Variants in PCLO observed in about 807,000 individuals in gnomAD.
PCLO encodes the protein protein piccolo.
PCLO carries 82 observed loss-of-function variants against 427.5 expected under a neutral mutation model. The observed-to-expected ratio is 0.19, with a 90% CI of 0.16 to 0.23. The LOEUF (loss-of-function observed/expected upper bound fraction) is 0.23, where lower values mean the gene tolerates loss of function less well. Among genes scored for constraint, PCLO ranks in the 10% least tolerant of loss-of-function variants. The pLI is 1.00. For missense variants in PCLO, 6,239 were observed against 6,115.9 expected, an observed-to-expected ratio of 1.02 and a Z score of -0.67; for synonymous variants, 2,357 against 2,155.4, an observed-to-expected ratio of 1.09 and a Z score of -2.59.
chr7:83,064,206 C>T (rs1035665675), intron 3 of PCLO, among the ~76,000 whole-genome samples: 3 of 151,826 alleles, frequency 2.0e-5, no homozygotes, highest in African/African-American at 7.3e-5. Flanking sequence ...TTAAATATAC[C>T]ATAAGAGAGC....
In PCLO at chr7:82,756,064, T is replaced by C. The variant is rs536954788; in HGVS notation, c.*2511A>G. Reference sequence around the variant, plus strand: ...AAATAGCTACCAAAGAGATAATCTTTGTTTTGGTGATCCCTCCATTTATAT... The same window carrying C: ...AAATAGCTACCAAAGAGATAATCTTCGTTTTGGTGATCCCTCCATTTATAT... On this transcript the variant is annotated 3_prime_UTR_variant, in exon 25 of 25. Transcript: ENST00000333891. 2.6e-5 allele frequency: 4 copies of C among 152,280 alleles called. No individual in the cohort carries two copies. Among genetic ancestry groups the C allele is most frequent in the Admixed American group, 2.0e-4 (3 of 15,272 alleles). The allele number at this position is 152,280 out of a possible 1,614,324, so 9.4% of individuals were successfully genotyped here. A position where few individuals can be genotyped will look rare whatever the true frequency, so the allele number is the denominator to read the frequency against.
At position 83,162,527 on chromosome 7, in the gene PCLO, A is replaced by C. The variant is rs1792471442; in HGVS notation, c.66T>G (p.Ala22=). Residue 22 remains alanine (A), a synonymous_variant, in exon 1 of 25, where the codon GCT becomes GCG. Transcript: ENST00000333891. ...LPEGLAAAAA[A]GGGASGAGSP... ...TCCCCGCCCCGCTAGCTCCTCCTCC[A>C]GCCGCTGCGGCCGCCGCCAGCCCTT... The C allele has an allele frequency of 6.4e-7, 1 of 1,556,258 alleles. No individual in the cohort carries two copies. Among genetic ancestry groups the C allele is most frequent in the South Asian group, 1.2e-5 (1 of 84,520 alleles).
At chr7:82,849,550 A>G (rs2115835096) in intron 10 of PCLO, among the ~76,000 whole-genome samples, 1 of 152,306 alleles carries the variant, frequency 6.6e-6, no homozygotes, top group South Asian at 2.1e-4. Context: ...CTATCTTCCT[A>G]CAAATTCTAT....
intron 3 of PCLO, among the ~76,000 whole-genome samples, chr7:83,017,687 TA>T (rs1264068865): frequency 6.6e-6 from 1 of 151,954 alleles, no homozygotes; most frequent in Non-Finnish European, 1.5e-5. Context: ...TCCTGAATAA[TA>T]AAAAACTTGT....
intron 9 of PCLO, among the ~76,000 whole-genome samples, chr7:82,900,894 T>C (rs1794022215): frequency 6.6e-6 from 1 of 151,816 alleles, no homozygotes; most frequent in South Asian, 2.1e-4. Context: ...TCCAAAATTA[T>C]TTCCAAATAA....
In PCLO at chr7:83,030,391, T is replaced by C. The variant is rs894100697; in HGVS notation, c.3301-63904A>G. Among the ~76,000 whole-genome samples the C allele has an allele frequency of 3.9e-5, 6 of 152,328 alleles. No individual in the cohort carries two copies. In the Middle Eastern group the frequency reaches 0.01, roughly 259 times the overall value. ...GAGGACAGTAGATATATTAGACATATATAACAGCATGAGCAAAGGCATGGT... is the reference window on the plus strand; with the variant it reads ...GAGGACAGTAGATATATTAGACATACATAACAGCATGAGCAAAGGCATGGT... On this transcript the variant is annotated intron_variant, in intron 3 of 24. Transcript: ENST00000333891.
At chr7:83,036,674 A>G (rs1242281276) in intron 3 of PCLO, among the ~76,000 whole-genome samples, 1 of 152,114 alleles carries the variant, frequency 6.6e-6, no homozygotes, top group East Asian at 1.9e-4. Flanking sequence ...CACATCTGCT[A>G]TAGTCTGAAT....
chr7:82,827,579 G>A (rs913261888), intron 17 of PCLO, among the ~76,000 whole-genome samples: 17 of 152,016 alleles, frequency 1.1e-4, no homozygotes, highest in African/African-American at 4.1e-4. Flanking sequence ...TGATAAATGT[G>A]GCTTAGTCTA....
Position 82,956,580 on chromosome 7 carries a change from G to A in PCLO, c.4373C>T (p.Thr1458Ile). Reference protein sequence around the residue: ...DQEKTQSLSETLEITISEEEI... With the variant: ...DQEKTQSLSEILEITISEEEI... Reference sequence around the variant, plus strand: ...CTCTTCTGAAATAGTAATTTCCAAGGTTTCAGATAAACTCTGAGTTTTCTC... The same window carrying A: ...CTCTTCTGAAATAGTAATTTCCAAGATTTCAGATAAACTCTGAGTTTTCTC... Residue 1458 changes from threonine to isoleucine, a missense_variant, in exon 5 of 25, where the codon ACC becomes ATC. Thr to Ile is a moderately conservative substitution (Grantham distance 89). Around this residue, in one of 5 missense-constraint regions of PCLO, gnomAD observed 4,677 missense variants for 4,468.4 expected, o/e 1.05. Transcript: ENST00000333891. 5.6e-6 allele frequency: 9 copies of A among 1,612,882 alleles called. No individual in the cohort carries two copies. The highest frequency in any genetic ancestry group is 7.6e-6 in the Non-Finnish European group (9 of 1,179,500).
intron 3 of PCLO, among the ~76,000 whole-genome samples, chr7:83,110,036 A>G (rs997970482): frequency 5.4e-4 from 82 of 151,606 alleles, no homozygotes; most frequent in African/African-American, 1.9e-3. Context: ...TGAGGAGAAT[A>G]AAAATATATG....
rs1465992573 is a variant in PCLO, at chr7:82,950,995, T to C, written c.9593A>G (p.Glu3198Gly). 1 of 1,613,736 alleles carries C rather than the reference T, an allele frequency of 6.2e-7. No individual in the cohort carries two copies. The highest frequency in any genetic ancestry group is 8.5e-7 in the Non-Finnish European group (1 of 1,179,878). Reference protein sequence around the residue: ...SEVFPEVVGDESALLIVPEED... With the variant: ...SEVFPEVVGDGSALLIVPEED... ...TTCAGGGACAATTAAAAGAGCACTT[T>C]CATCTCCCACCACTTCAGGAAACAC... The change falls in exon 6 of 25, where the codon GAA becomes GGA. Residue 3198 changes from glutamate to glycine, a missense_variant. Physicochemically the swap from Glu to Gly is moderately conservative, Grantham distance 98. Transcript: ENST00000333891.
At chr7:82,812,957 A>G (rs17212460) in intron 20 of PCLO, among the ~76,000 whole-genome samples, 34,490 of 151,452 alleles carry the variant, frequency 0.23, 5,169 homozygotes, top group Non-Finnish European at 0.33. Context: ...TAAAACATGC[A>G]GGTTTGTTTG....
intron 3 of PCLO, among the ~76,000 whole-genome samples, chr7:83,013,980 C>T (rs1788148002): frequency 6.6e-6 from 1 of 151,926 alleles, no homozygotes; most frequent in African/African-American, 2.4e-5. Flanking sequence ...CTTGGTGTAC[C>T]ATTTTATACC....
Position 83,134,804 on chromosome 7 carries a change from G to C in PCLO, c.2746C>G (p.Pro916Ala). ...SLNLGSITDA[P>A]KSQPTTPQET... is the part of the protein sequence containing the mutation. ...TGAGGAGTTGTAGGCTGTGATTTGG[G>C]GGCATCAGTAATACTTCCCAGATTC... The change falls in exon 3 of 25, where the codon CCC (proline) becomes GCC (alanine). Residue 916 changes from proline to alanine, a missense_variant. Physicochemically the swap from Pro to Ala is conservative, Grantham distance 27. Transcript: ENST00000333891. The C allele has an allele frequency of 6.2e-7, 1 of 1,613,792 alleles. No homozygotes were observed. The highest frequency in any genetic ancestry group is 8.5e-7 in the Non-Finnish European group (1 of 1,179,842).
In PCLO at chr7:83,028,090, TTGGAAGTTC is replaced by T; in HGVS notation, c.3301-61612_3301-61604del. ...CTCACCACTCCTATTCAACATAGTG[TTGGAAGTTC>T]TGGCCAGGGCAATTTGGCAGGAGAA... is the stretch of plus-strand genomic sequence containing the variant. On this transcript the variant is annotated intron_variant, in intron 3 of 24. Transcript: ENST00000333891. Among the ~76,000 whole-genome samples the T allele has an allele frequency of 5.3e-5, 8 of 151,454 alleles. 3 individuals are homozygous for T. In the Middle Eastern group the frequency reaches 0.02, roughly 386 times the overall value.
rs1562770338 is a variant in PCLO at position 82,754,989 on chromosome 7, C to A, written c.*3586G>T. 6.6e-6 allele frequency: 1 copy of A among 151,976 alleles called. No homozygotes were observed. The highest frequency in any genetic ancestry group is 2.4e-5 in the African/African-American group (1 of 41,402). The allele number at this position is 151,976 out of a possible 1,614,324, so 9.4% of individuals were successfully genotyped here. ...TAATAAAGTAAAAAAATACTATAAACATCTTTATGATATTTTAATGAAATG... is the reference window on the plus strand; with the variant it reads ...TAATAAAGTAAAAAAATACTATAAAAATCTTTATGATATTTTAATGAAATG... On this transcript the variant is annotated 3_prime_UTR_variant, in exon 25 of 25. Coordinates refer to ENST00000333891, the MANE Select transcript of PCLO (RefSeq NM_033026.6).
chr7:82,868,028 A>G, intron 10 of PCLO: 1 of 405,276 alleles, frequency 2.5e-6, no homozygotes, highest in Non-Finnish European at 4.8e-6. Flanking sequence ...TCAACATGAT[A>G]TGTGGTCTGT....
intron 1 of PCLO, among the ~76,000 whole-genome samples, chr7:83,160,644 T>C (rs1792412115): frequency 6.6e-6 from 1 of 152,104 alleles, no homozygotes; most frequent in Non-Finnish European, 1.5e-5. Context: ...AAATTATCAA[T>C]AGAGAGCTTT....
chr7:82,968,669 G>A (rs933244213), intron 3 of PCLO, among the ~76,000 whole-genome samples: 5 of 151,716 alleles, frequency 3.3e-5, no homozygotes, highest in Non-Finnish European at 4.4e-5. Flanking sequence ...ACAGGTACAC[G>A]CCACCATACC....
Sources: gnomAD v4.1 joint callset for allele counts (sites outside exome capture counted in the v4.1 genomes callset) on GRCh38, gnomAD v4.1.1 for gene constraint, gnomAD v4.1.1 regional missense constraint, MANE v1.5 for transcripts, NCBI Gene and HGNC (gene_info 2026-07-23, HGNC 2026-07-21) for gene names.